Variants in SPTBN5 observed in about 807,000 individuals in gnomAD.
SPTBN5 encodes spectrin beta, non-erythrocytic 5, also known as spectrin beta chain, non-erythrocytic 5.
Under a neutral mutation model 477.6 loss-of-function variants are expected in SPTBN5, and 513 were observed. The observed-to-expected ratio is 1.07, with a 90% confidence interval of 1.00 to 1.16. The LOEUF is 1.16. Ranked by LOEUF, SPTBN5 falls within the 50% of genes most tolerant of loss-of-function variation. The pLI, the probability that SPTBN5 is intolerant of heterozygous loss-of-function variation, is 0.00. For missense variants in SPTBN5, 5,062 were observed against 4,731.8 expected (o/e 1.07, Z -2.05); for synonymous variants, 2,169 against 2,011.7 (o/e 1.08, Z -2.09).
intron 9 of SPTBN5, 75 bp from the exon 10 acceptor site, chr15:41,882,813 G>C (rs990992571): frequency 1.3e-6 from 2 of 1,525,018 alleles, no homozygotes; most frequent in African/African-American, 1.4e-5. Flanking sequence ...TCCGGGTTTA[G>C]ACACTCCCCT....
At position 41,883,356 on chromosome 15, in the gene SPTBN5, C is replaced by T; in HGVS notation, c.1651G>A (p.Glu551Lys). Residue 551 changes from glutamate (E) to lysine (K), a missense_variant, in exon 8 of 68, where the codon GAG becomes AAG. Coordinates refer to ENST00000320955, the MANE Select transcript of SPTBN5 (RefSeq NM_016642.4). Reference sequence around the variant, plus strand: ...GCTGGTCCAGTGCCCACCTGCAGCTCCTCCAGCTGGTGGGAGGCAGCCTCC... The same window carrying T: ...GCTGGTCCAGTGCCCACCTGCAGCTTCTCCAGCTGGTGGGAGGCAGCCTCC... ...EVEAASHQLEELQEPARSTAC... is the reference protein window; with the variant it reads ...EVEAASHQLEKLQEPARSTAC... 6.2e-7 allele frequency: 1 copy of T among 1,613,294 alleles called. No homozygotes were observed. Among genetic ancestry groups the T allele is most frequent in the Non-Finnish European group, 8.5e-7 (1 of 1,179,786 alleles).
Position 41,887,271 on chromosome 15 carries a change from T to C in SPTBN5, c.830A>G (p.Tyr277Cys). Reference sequence around the variant, plus strand: ...ATGCAGGCGGGAGCAGTAGTGGTAGTAGAGGGAGACGTAGGTCATGATAGA... The same window carrying C: ...ATGCAGGCGGGAGCAGTAGTGGTAGCAGAGGGAGACGTAGGTCATGATAGA... ...ERSIMTYVSLYYHYCSRLHQG... is the reference protein window; with the variant it reads ...ERSIMTYVSLCYHYCSRLHQG... The change falls in exon 6 of 68, where the codon TAC (tyrosine) becomes TGC (cysteine). Residue 277 changes from tyrosine to cysteine, a missense_variant. Coordinates refer to ENST00000320955, the MANE Select transcript of SPTBN5 (RefSeq NM_016642.4). 6.4e-7 allele frequency: 1 copy of C among 1,551,210 alleles called. No individual in the cohort carries two copies. Among genetic ancestry groups the C allele is most frequent in the Non-Finnish European group, 8.7e-7 (1 of 1,146,964 alleles).
At chr15:41,861,374 G>A in intron 46 of SPTBN5, 45 bp downstream of exon 46, 1 of 1,546,280 alleles carries the variant, frequency 6.5e-7, no homozygotes, top group Non-Finnish European at 8.9e-7. Flanking sequence ...CCCTAATGCT[G>A]CTCTGGTAAT....
Position 41,862,284 on chromosome 15 carries a change from G to A in SPTBN5, c.7394C>T (p.Ala2465Val), listed in dbSNP as rs755096201. ...LRSRAQKRRE[A>V]LDALHQAQKL... ...CTGAGCTTGGTGCAAGGCATCCAGC[G>A]CCTCCCTCCTGCCCACAGCGCTCAT... The change falls in exon 44 of 68, where the codon GCG (alanine) becomes GTG (valine). Residue 2465 changes from alanine to valine, a missense_variant. By Grantham distance (64) the Ala-to-Val change is moderately conservative (BLOSUM62 0). Transcript: ENST00000320955. 2.0e-5 allele frequency: 32 copies of A among 1,601,372 alleles called. No homozygotes were observed. The highest frequency in any genetic ancestry group is 1.7e-4 in the Middle Eastern group (1 of 6,026).
At chr15:41,853,160 C>G (rs1004335235) in intron 59 of SPTBN5, 98 bp downstream of exon 59, 2 of 1,503,710 alleles carry the variant, frequency 1.3e-6, no homozygotes, top group Non-Finnish European at 1.8e-6. Flanking sequence ...CCCAGCCTTC[C>G]TTTCCTGCTG....
Position 41,861,934 on chromosome 15 carries a change from A to G in SPTBN5, c.7549-11T>C. 1 of 1,594,542 alleles carries G rather than the reference A, an allele frequency of 6.3e-7. No individual in the cohort carries two copies. Among genetic ancestry groups the G allele is most frequent in the Non-Finnish European group, 8.5e-7 (1 of 1,174,994 alleles). ...GGAGTCCAGCTCGGCCTGGAACAGGACTGGGCTCAGATCACTGGGGGCTGG... is the reference window on the plus strand; with the variant it reads ...GGAGTCCAGCTCGGCCTGGAACAGGGCTGGGCTCAGATCACTGGGGGCTGG... On this transcript the variant is annotated splice_polypyrimidine_tract_variant and intron_variant, in intron 44 of 67. Coordinates refer to ENST00000320955, the MANE Select transcript of SPTBN5 (RefSeq NM_016642.4).
intron 3 of SPTBN5, among the ~76,000 whole-genome samples, chr15:41,892,286 A>T (rs921501533): frequency 5.3e-5 from 8 of 151,912 alleles, no homozygotes; most frequent in Admixed American, 2.0e-4. Flanking sequence ...GTTTCCAATG[A>T]TCCCTTTGCC....
Position 41,848,308 on chromosome 15 carries a change from C to G in SPTBN5, c.*308G>C, listed in dbSNP as rs1595430231. 3.2e-5 allele frequency: 17 copies of G among 534,302 alleles called. No homozygotes were observed. The South Asian group carries it at 3.6e-4, about 11-fold the overall frequency. The allele number at this position is 534,302 out of a possible 1,614,324, so 33.1% of individuals were successfully genotyped here. On this transcript the variant is annotated 3_prime_UTR_variant, in exon 68 of 68. Transcript: ENST00000320955. The stretch of plus-strand genomic sequence containing the variant: ...TGCGTCTACCTGTGCTCAGAGTCAC[C>G]CCTTCCAAGCAAGGAGGAGGCCACA...
chr15:41,848,653 AG>A, intron 67 of SPTBN5, 25 bp from the exon 68 acceptor site: 1 of 1,613,718 alleles, frequency 6.2e-7, no homozygotes, highest in Non-Finnish European at 8.5e-7. Context: ...GAATGAATTT[AG>A]TAGGGTATGG....
chr15:41,860,893 A>C, intron 46 of SPTBN5, 135 bp from the exon 47 acceptor site: 17 of 848,266 alleles, frequency 2.0e-5, no homozygotes, highest in Non-Finnish European at 2.9e-5. Context: ...CATCCCTCAC[A>C]TCCCTCAAGG....
rs56912945 is a variant in SPTBN5 at position 41,872,520 on chromosome 15, G to A, written c.5008-61C>T. On this transcript the variant is annotated intron_variant, in intron 26 of 67. Transcript: ENST00000320955. ...GGGTGACTCATCCACCCACCTGTCC[G>A]TCCCCCACCCATCCAGTCACCAATC... The A allele has an allele frequency of 3.4e-3, 5,064 of 1,497,304 alleles. 119 individuals carry two copies. In the African/African-American group the frequency reaches 0.052, roughly 15 times the overall value. The allele number at this position is 1,497,304 out of a possible 1,614,324, so 92.8% of individuals were successfully genotyped here.
chr15:41,887,513 C>A, intron 5 of SPTBN5, 72 bp from the exon 6 acceptor site: 2 of 1,176,798 alleles, frequency 1.7e-6, no homozygotes, highest in Non-Finnish European at 2.4e-6. Flanking sequence ...TTCTTAAATG[C>A]ACTCATGCTC....
chr15:41,850,904 G>T lies in SPTBN5; in HGVS notation c.10871C>A (p.Pro3624Gln). 6.2e-7 allele frequency: 1 copy of T among 1,603,998 alleles called. No homozygotes were observed. The highest frequency in any genetic ancestry group is 2.3e-5 in the East Asian group (1 of 44,380). The change falls in exon 66 of 68, where the codon CCG becomes CAG. Residue 3624 changes from proline (P) to glutamine (Q), a missense_variant. Pro to Gln is a moderately conservative substitution (Grantham distance 76). Transcript: ENST00000320955. ...TSGAEILFAA[P>Q]SEEQAESWWR... ...CCAGCTCTCAGCCTGCTCTTCGGAC[G>T]GTGCTGCAAACAGGATCTCTGCCCC...
chr15:41,868,460 A>C lies in SPTBN5; in HGVS notation c.5995T>G (p.Trp1999Gly), dbSNP rs570418951. The change falls in exon 33 of 68, where the codon TGG (tryptophan) becomes GGG (glycine). Residue 1999 changes from tryptophan (W) to glycine (G), a missense_variant. Transcript: ENST00000320955. ...RAELEAREKL[W>G]QQATQLGQQA... ...TGCCCCAGCTGGGTGGCCTGCTGCCACAGCTTCTCCCGGGCCTCCAGCTCC... is the reference window on the plus strand; with the variant it reads ...TGCCCCAGCTGGGTGGCCTGCTGCCCCAGCTTCTCCCGGGCCTCCAGCTCC... 1.2e-6 allele frequency: 2 copies of C among 1,610,798 alleles called. No individual in the cohort carries two copies. The highest frequency in any genetic ancestry group is 4.5e-5 in the East Asian group (2 of 44,820).
rs965572288 is a variant in SPTBN5, at chr15:41,867,098, G to A, written c.6341C>T (p.Thr2114Met). The A allele has an allele frequency of 3.0e-5, 47 of 1,541,146 alleles. No individual in the cohort carries two copies. The highest frequency in any genetic ancestry group is 3.7e-5 in the Non-Finnish European group (42 of 1,146,048). Reference protein sequence around the residue: ...KEAALRERLKTLRRPRVRDRL... With the variant: ...KEAALRERLKMLRRPRVRDRL... ...GTCCCGCACCCGGGGGCGCCGGAGC[G>A]TCTTCAGCCGCTCACGCAGGGCTGC... is the stretch of plus-strand genomic sequence containing the variant. Residue 2114 changes from threonine (T) to methionine (M), a missense_variant, in exon 36 of 68, where the codon ACG becomes ATG. Physicochemically the swap from Thr to Met is moderately conservative, Grantham distance 81. Transcript: ENST00000320955.
intron 67 of SPTBN5, 71 bp downstream of exon 67, chr15:41,849,798 C>T: frequency 8.0e-7 from 1 of 1,249,138 alleles, no homozygotes. Context: ...CCTCAGGCTT[C>T]AGAGGACAGC....
chr15:41,869,585 C>T (rs746123923), intron 32 of SPTBN5, among the ~76,000 whole-genome samples: 1 of 152,216 alleles, frequency 6.6e-6, no homozygotes, highest in Non-Finnish European at 1.5e-5. Context: ...TTCTTACTCC[C>T]AGCCCTGTCT....
Position 41,853,333 on chromosome 15 carries a change from C to A in SPTBN5, c.10095G>T (p.Glu3365Asp). ...GCAGGTCCTGGGCTTGAAGGCGGCA[C>A]TCCCTGATTTCTTGCCCCAGCTCTT... ...QHEELGQEIR[E>D]CRLQAQDLRQ... The change falls in exon 59 of 68, where the codon GAG (glutamate) becomes GAT (aspartate). Residue 3365 changes from glutamate to aspartate, a missense_variant. Coordinates refer to ENST00000320955, the MANE Select transcript of SPTBN5 (RefSeq NM_016642.4). 1 of 1,612,880 alleles carries A rather than the reference C, an allele frequency of 6.2e-7. No homozygotes were observed. The highest frequency in any genetic ancestry group is 8.5e-7 in the Non-Finnish European group (1 of 1,179,590).
chr15:41,855,014 G>A (rs529561979), intron 55 of SPTBN5, 38 bp from the exon 56 acceptor site: 14 of 1,502,762 alleles, frequency 9.3e-6, no homozygotes, highest in Middle Eastern at 1.8e-4. Flanking sequence ...CACTTGAGAT[G>A]GTATCATGAG....
Sources: allele counts gnomAD v4.1 joint callset (sites outside exome capture counted in the v4.1 genomes callset), GRCh38; gene constraint gnomAD v4.1.1; transcripts MANE v1.5; gene names NCBI Gene and HGNC (gene_info 2026-07-23, HGNC 2026-07-21).